MCTP2: variants seen among roughly 807,000 people sequenced by gnomAD.
MCTP2 encodes multiple C2 and transmembrane domain-containing protein 2.
In MCTP2, 132 loss-of-function variants were observed where a neutral mutation model predicts 111.6. The ratio of observed to expected loss-of-function variants is 1.18; its 90% CI spans 1.03 to 1.37. The LOEUF is 1.37. Among genes scored for constraint, MCTP2 ranks in the 40% most tolerant of loss-of-function variants. The pLI is 0.00. For synonymous variants in MCTP2, 395 were observed against 387.7 expected (o/e 1.02, Z -0.22); for missense variants, 1,183 against 1,067.9 (o/e 1.11, Z -1.50).
At chr15:94,240,988 G>T (rs919760366) in intron 1 of MCTP2, among the ~76,000 whole-genome samples, 37 of 152,122 alleles carry the variant, frequency 2.4e-4, no homozygotes, top group African/African-American at 8.7e-4. Flanking sequence ...TTAGCATTAA[G>T]ACACACTTAT....
chr15:94,327,585 A>G (rs561536015), intron 4 of MCTP2, among the ~76,000 whole-genome samples: 1 of 152,364 alleles, frequency 6.6e-6, no homozygotes, highest in African/African-American at 2.4e-5. Context: ...GGGCCAGTGT[A>G]TCAGAAAAAT....
chr15:94,359,784 C>T lies in MCTP2; in HGVS notation c.1301+1172C>T, dbSNP rs1035341943. Among the ~76,000 whole-genome samples the T allele has an allele frequency of 1.6e-4, 24 of 152,086 alleles. 1 individual carries two copies. Among genetic ancestry groups the T allele is most frequent in the Admixed American group, 1.6e-3 (24 of 15,262 alleles). On this transcript the variant is annotated intron_variant, in intron 10 of 22. Transcript: ENST00000357742. ...ATAAACAGATTGAGACCCAGCTAACCCAATACCTGTGCAGGGCTTTTTCTC... is the reference window on the plus strand; with the variant it reads ...ATAAACAGATTGAGACCCAGCTAACTCAATACCTGTGCAGGGCTTTTTCTC...
intron 6 of MCTP2, 114 bp from the exon 7 acceptor site, chr15:94,340,699 C>A: frequency 1.7e-6 from 1 of 605,948 alleles, no homozygotes; most frequent in South Asian, 2.7e-5. Flanking sequence ...TTCTTAACAT[C>A]ATGTCTAATC....
intron 14 of MCTP2, among the ~76,000 whole-genome samples, chr15:94,395,660 A>G (rs951371873): frequency 1.3e-5 from 2 of 152,210 alleles, no homozygotes; most frequent in African/African-American, 4.8e-5. Flanking sequence ...TAGTTTTACC[A>G]ACCAACTTCT....
At chr15:94,394,361 C>T (rs2081169189) in intron 14 of MCTP2, among the ~76,000 whole-genome samples, 1 of 152,064 alleles carries the variant, frequency 6.6e-6, no homozygotes. Context: ...ACACAGTGAG[C>T]ACTTATAGTG....
chr15:94,421,094 A>ATT (rs776113477), intron 17 of MCTP2, among the ~76,000 whole-genome samples: 21,974 of 142,964 alleles, frequency 0.15, 1,679 homozygotes, highest in East Asian at 0.24. Flanking sequence ...GGATGATAGT[A>ATT]TTTTTTTTTT....
At chr15:94,331,332 A>G (rs1437462978) in intron 4 of MCTP2, among the ~76,000 whole-genome samples, 1 of 152,238 alleles carries the variant, frequency 6.6e-6, no homozygotes, top group Admixed American at 6.5e-5. Context: ...AAATGATGGA[A>G]GAGACTGAAT....
intron 1 of MCTP2, among the ~76,000 whole-genome samples, chr15:94,275,902 T>C (rs543813684): frequency 3.0e-4 from 45 of 149,716 alleles, no homozygotes; most frequent in South Asian, 8.5e-4. Context: ...GGCTGGAGTG[T>C]AGTGGCGCGG....
At chr15:94,274,358 T>C (rs2074071805) in intron 1 of MCTP2, among the ~76,000 whole-genome samples, 1 of 152,078 alleles carries the variant, frequency 6.6e-6, no homozygotes, top group South Asian at 2.1e-4. Context: ...GTCAATAGTT[T>C]AGAAAAAGAA....
intron 1 of MCTP2, among the ~76,000 whole-genome samples, chr15:94,243,895 G>C (rs1174932203): frequency 7.0e-6 from 1 of 141,880 alleles, no homozygotes; most frequent in Non-Finnish European, 1.6e-5. Context: ...ACACATATAT[G>C]TATACACATA....
At chr15:94,326,380 C>A (rs2076872485) in intron 4 of MCTP2, among the ~76,000 whole-genome samples, 1 of 152,102 alleles carries the variant, frequency 6.6e-6, no homozygotes, top group Admixed American at 6.6e-5. Flanking sequence ...GTTACTTTTT[C>A]ATATATTTGC....
At chr15:94,333,335 T>C (rs2077213037) in intron 4 of MCTP2, among the ~76,000 whole-genome samples, 1 of 152,208 alleles carries the variant, frequency 6.6e-6, no homozygotes, top group Admixed American at 6.5e-5. Context: ...TAAGTGTACA[T>C]TTAAGCATAT....
chr15:94,349,927 A>G (rs1454818657), intron 8 of MCTP2, among the ~76,000 whole-genome samples: 2 of 152,178 alleles, frequency 1.3e-5, no homozygotes, highest in East Asian at 1.9e-4. Flanking sequence ...AAGATCTCCA[A>G]ACTATTTATT....
At chr15:94,430,928 C>A (rs1193537117) in intron 17 of MCTP2, among the ~76,000 whole-genome samples, 1 of 152,142 alleles carries the variant, frequency 6.6e-6, no homozygotes, top group Non-Finnish European at 1.5e-5. Flanking sequence ...AATTACCTCA[C>A]ATGTAATTGC....
intron 19 of MCTP2, among the ~76,000 whole-genome samples, chr15:94,452,952 TG>T (rs1350475329): frequency 1.0e-5 from 1 of 95,826 alleles, no homozygotes; most frequent in Non-Finnish European, 2.2e-5. Flanking sequence ...GAAAAAACTT[TG>T]TTTGTTTTGT....
chr15:94,271,077 A>C (rs891065377), intron 1 of MCTP2, among the ~76,000 whole-genome samples: 2 of 152,194 alleles, frequency 1.3e-5, no homozygotes, highest in Non-Finnish European at 2.9e-5. Flanking sequence ...CAACAGTGTT[A>C]CCAGTCAGTT....
Position 94,338,607 on chromosome 15 carries a change from C to A in MCTP2, c.638-683C>A, listed in dbSNP as rs755116007. Among the ~76,000 whole-genome samples the A allele has an allele frequency of 2.0e-5, 3 of 149,454 alleles. No individual in the cohort carries two copies. In the South Asian group the frequency reaches 6.3e-4, roughly 31 times the overall value. On this transcript the variant is annotated intron_variant, in intron 4 of 22. Coordinates refer to ENST00000357742, the MANE Select transcript of MCTP2 (RefSeq NM_001385001.1). ...GAGGGACATTATTCATTTCTTTTGG[C>A]GTCTGTTTCAAAGCTCCCAGGGAGG... is the stretch of plus-strand genomic sequence containing the variant.
At chr15:94,336,241 C>G (rs1405771488) in intron 4 of MCTP2, among the ~76,000 whole-genome samples, 2 of 152,180 alleles carry the variant, frequency 1.3e-5, no homozygotes, top group Non-Finnish European at 2.9e-5. Context: ...ATGACCTTCT[C>G]TGCCTGTTCT....
intron 10 of MCTP2, among the ~76,000 whole-genome samples, chr15:94,360,232 T>G (rs2078855498): frequency 6.6e-6 from 1 of 152,196 alleles, no homozygotes; most frequent in South Asian, 2.1e-4. Flanking sequence ...TGCAATCGTT[T>G]CTTCCCTGGC....
Sources: gnomAD v4.1 joint callset for allele counts (sites outside exome capture counted in the v4.1 genomes callset) on GRCh38, gnomAD v4.1.1 for gene constraint, MANE v1.5 for transcripts, NCBI Gene and HGNC (gene_info 2026-07-23, HGNC 2026-07-21) for gene names.